The following PIP5K1C variants were observed in gnomAD, a reference collection of about 807,000 sequenced individuals.
The protein encoded by PIP5K1C is phosphatidylinositol 4-phosphate 5-kinase type-1 gamma.
Under a neutral mutation model 80.1 loss-of-function variants are expected in PIP5K1C, and 45 were observed. The ratio of observed to expected loss-of-function variants is 0.56; its 90% CI spans 0.44 to 0.72. The LOEUF is 0.72. PIP5K1C is among the 30% of genes least tolerant of loss of function. The pLI is 0.00. For missense variants in PIP5K1C, 753 were observed against 954.6 expected, an observed-to-expected ratio of 0.79 and a Z score of 2.78; for synonymous variants, 498 against 420.1, an observed-to-expected ratio of 1.19 and a Z score of -2.27.
Position 3,661,054 on chromosome 19 carries a change from T to C in PIP5K1C, c.380A>G (p.His127Arg). Reference protein sequence around the residue: ...SEGSNLTPAHHFQDFRFKTYA... With the variant: ...SEGSNLTPAHRFQDFRFKTYA... ...GGTCTTGAAGCGGAAGTCCTGGAAG[T>C]GGTGGGCGGGGGTGAGGTTGCTGCC... Residue 127 changes from histidine to arginine, a missense_variant, in exon 5 of 18, where the codon CAC becomes CGC. His to Arg is a conservative substitution (Grantham distance 29). This residue lies in a region of PIP5K1C where 139 missense variants were observed against 289.7 expected (regional missense o/e 0.48). Transcript: ENST00000335312. 6.2e-7 allele frequency: 1 copy of C among 1,613,810 alleles called. No homozygotes were observed. The highest frequency in any genetic ancestry group is 8.5e-7 in the Non-Finnish European group (1 of 1,179,888).
intron 16 of PIP5K1C, among the ~76,000 whole-genome samples, chr19:3,638,230 C>G (rs1250677724): frequency 6.6e-6 from 1 of 152,158 alleles, no homozygotes. Flanking sequence ...CATTCCAGGC[C>G]TCGCTGGCCG....
chr19:3,661,058 G>A lies in PIP5K1C; in HGVS notation c.376C>T (p.His126Tyr). Residue 126 changes from histidine (H) to tyrosine (Y), a missense_variant, in exon 5 of 18, where the codon CAC becomes TAC. His to Tyr is a moderately conservative substitution (Grantham distance 83, BLOSUM62 2). Transcript: ENST00000335312. ...PSEGSNLTPAHHFQDFRFKTY... is the reference protein window; with the variant it reads ...PSEGSNLTPAYHFQDFRFKTY... ...TTGAAGCGGAAGTCCTGGAAGTGGT[G>A]GGCGGGGGTGAGGTTGCTGCCTTCG... The A allele has an allele frequency of 6.2e-7, 1 of 1,613,996 alleles. No individual in the cohort carries two copies. The highest frequency in any genetic ancestry group is 8.5e-7 in the Non-Finnish European group (1 of 1,179,906).
rs1419722379 is a variant in PIP5K1C at position 3,648,767 on chromosome 19, C to G, written c.1128-59G>C. 1.3e-6 allele frequency: 2 copies of G among 1,481,612 alleles called. No homozygotes were observed. The highest frequency in any genetic ancestry group is 1.1e-5 in the South Asian group (1 of 88,074). The allele number at this position is 1,481,612 out of a possible 1,614,324, so 91.8% of individuals were successfully genotyped here. A position where few individuals can be genotyped will look rare whatever the true frequency, so the allele number is the denominator to read the frequency against. On this transcript the variant is annotated intron_variant, in intron 8 of 17. Coordinates refer to ENST00000335312, the MANE Select transcript of PIP5K1C (RefSeq NM_012398.3). The surrounding 1 kb of genome is among the most constrained non-coding windows in gnomAD (Gnocchi z 4.3). ...CCGCAGAGCTGGGACTCGGGGCAGG[C>G]GGGGCTGGGGACTCCAGGGCTAGGG...
At position 3,637,396 on chromosome 19, in the gene PIP5K1C, A is replaced by C. The variant is rs928167753; in HGVS notation, c.1920+1488T>G. Reference sequence around the variant, plus strand: ...TCCGGGGCCAGCGTGGCTGACCTCAATTGCAGCCGTGATTTACCCAAAGCC... The same window carrying C: ...TCCGGGGCCAGCGTGGCTGACCTCACTTGCAGCCGTGATTTACCCAAAGCC... On this transcript the variant is annotated intron_variant, in intron 16 of 17. Coordinates refer to ENST00000335312, the MANE Select transcript of PIP5K1C (RefSeq NM_012398.3). The surrounding 1 kb of genome is among the most constrained non-coding windows in gnomAD (Gnocchi z 7.0). The C allele has an allele frequency of 2.9e-5, 44 of 1,535,462 alleles. No individual in the cohort carries two copies. Among genetic ancestry groups the C allele is most frequent in the Non-Finnish European group, 3.7e-5 (43 of 1,146,748 alleles).
intron 1 of PIP5K1C, among the ~76,000 whole-genome samples, chr19:3,698,226 G>C (rs1243394287): frequency 6.6e-6 from 1 of 152,234 alleles, no homozygotes; most frequent in South Asian, 2.1e-4. Flanking sequence ...GTGGCCAACC[G>C]GCACGACAAT....
intron 1 of PIP5K1C, chr19:3,674,103 A>C (rs1568346218): frequency 6.6e-6 from 1 of 152,180 alleles, no homozygotes; most frequent in Admixed American, 6.5e-5. Context: ...GCTCCCTGCA[A>C]AAAGACCGGG....
At chr19:3,657,963 C>A (rs763358695) in intron 5 of PIP5K1C, among the ~76,000 whole-genome samples, 1 of 152,112 alleles carries the variant, frequency 6.6e-6, no homozygotes, top group African/African-American at 2.4e-5. Context: ...AGGGGAACCA[C>A]CTTTGGAAAA....
chr19:3,632,546 T>C lies in PIP5K1C; in HGVS notation c.*621A>G, dbSNP rs988910855. 2.0e-5 allele frequency: 3 copies of C among 152,314 alleles called. No individual in the cohort carries two copies. The highest frequency in any genetic ancestry group is 7.2e-5 in the African/African-American group (3 of 41,416). The allele number at this position is 152,314 out of a possible 1,614,324, so 9.4% of individuals were successfully genotyped here. A position where few individuals can be genotyped will look rare whatever the true frequency, so the allele number is the denominator to read the frequency against. ...TCAGGGCCCCACTGCGGCGGGAACA[T>C]AGCTGCTGAGTGGCCGCAGTGCTTG... On this transcript the variant is annotated 3_prime_UTR_variant, in exon 18 of 18. Coordinates refer to ENST00000335312, the MANE Select transcript of PIP5K1C (RefSeq NM_012398.3).
chr19:3,637,006 G>T lies in PIP5K1C; in HGVS notation c.1920+1878C>A, dbSNP rs2033714610. On this transcript the variant is annotated intron_variant, in intron 16 of 17. Coordinates refer to ENST00000335312, the MANE Select transcript of PIP5K1C (RefSeq NM_012398.3). The surrounding 1 kb of genome is among the most constrained non-coding windows in gnomAD (Gnocchi z 7.0). ...CGTGTGGTCTCCCAGGCTCCCAGGG[G>T]AGCCGAGGCCTCAGCGCCTCCATCT... is the stretch of plus-strand genomic sequence containing the variant. The T allele has an allele frequency of 9.6e-7, 1 of 1,038,408 alleles. No individual in the cohort carries two copies. The highest frequency in any genetic ancestry group is 3.5e-5 in the South Asian group (1 of 28,388). The allele number at this position is 1,038,408 out of a possible 1,614,324, so 64.3% of individuals were successfully genotyped here.
intron 16 of PIP5K1C, among the ~76,000 whole-genome samples, chr19:3,634,234 T>TGGGG (rs1397662013): frequency 2.1e-5 from 3 of 145,540 alleles, no homozygotes; most frequent in African/African-American, 7.4e-5. Flanking sequence ...GGGTGGGATC[T>TGGGG]GGGGAGGGAG....
Position 3,638,901 on chromosome 19 carries a change from C to T in PIP5K1C, c.1903G>A (p.Ala635Thr), listed in dbSNP as rs751838662. Residue 635 changes from alanine to threonine, a missense_variant, in exon 16 of 18, where the codon GCC becomes ACC. By Grantham distance (58) the Ala-to-Thr change is moderately conservative. Around this residue, in one of 6 missense-constraint regions of PIP5K1C, gnomAD observed 315 missense variants for 294.5 expected, o/e 1.07. Coordinates refer to ENST00000335312, the MANE Select transcript of PIP5K1C (RefSeq NM_012398.3). The stretch of plus-strand genomic sequence containing the variant: ...GCACTTACAAAGTAGATGTCGGTGG[C>T]GGGCGCGTCCTCCTCGTCCGAGGCC... ...SQASDEEDAP[A>T]TDIYFPTDER... 1.1e-5 allele frequency: 18 copies of T among 1,612,704 alleles called. No individual in the cohort carries two copies. Among genetic ancestry groups the T allele is most frequent in the African/African-American group, 2.7e-5 (2 of 74,850 alleles).
In PIP5K1C at chr19:3,699,957, C is replaced by A. The variant is rs1010252823; in HGVS notation, c.94+340G>T. Reference sequence around the variant, plus strand: ...GGTGACATCAGGAGGTGGGCACGCACGGCCTCAGAGACCCCCGCCTCCACC... The same window carrying A: ...GGTGACATCAGGAGGTGGGCACGCAAGGCCTCAGAGACCCCCGCCTCCACC... On this transcript the variant is annotated intron_variant, in intron 1 of 17. Transcript: ENST00000335312. 2.4e-4 allele frequency among the ~76,000 whole-genome samples: 36 copies of A among 152,204 alleles called. 1 individual carries two copies. The highest frequency in any genetic ancestry group is 2.4e-4 in the Non-Finnish European group (16 of 68,012).
rs191475142 is a variant in PIP5K1C, at chr19:3,645,813, A to C, written c.1345+161T>G. 2.5e-3 allele frequency among the ~76,000 whole-genome samples: 376 copies of C among 151,900 alleles called. 4 individuals are homozygous for C. The highest frequency in any genetic ancestry group is 8.8e-3 in the African/African-American group (366 of 41,430). On this transcript the variant is annotated intron_variant, in intron 11 of 17. Transcript: ENST00000335312. ...GCTGTGCAGAGCAAATATCCCGACTACCCTACCTCCGGATGAGGCCCGGTC... is the reference window on the plus strand; with the variant it reads ...GCTGTGCAGAGCAAATATCCCGACTCCCCTACCTCCGGATGAGGCCCGGTC...
At position 3,696,882 on chromosome 19, in the gene PIP5K1C, T is replaced by C. The variant is rs1244247789; in HGVS notation, c.94+3415A>G. ...GGGTCGGGACTCGGGCCGCTGGTTT[T>C]TAATGGGGTCCTCCTGGAATGTGGG... On this transcript the variant is annotated intron_variant, in intron 1 of 17. Transcript: ENST00000335312. The surrounding 1 kb of genome is among the most constrained non-coding windows in gnomAD (Gnocchi z 4.1). Among the ~76,000 whole-genome samples, 1 of 152,116 alleles carries C rather than the reference T, an allele frequency of 6.6e-6. No homozygotes were observed. The highest frequency in any genetic ancestry group is 1.5e-5 in the Non-Finnish European group (1 of 68,010).
At position 3,655,413 on chromosome 19, in the gene PIP5K1C, G is replaced by A. The variant is rs552289401; in HGVS notation, c.621+992C>T. On this transcript the variant is annotated intron_variant, in intron 6 of 17. Transcript: ENST00000335312. ...AGCCTGGGTGACAGAGCGAGACTCC[G>A]TCTCAAAACATAAATAAATAAATAA... Among the ~76,000 whole-genome samples, 12 of 152,250 alleles carry A rather than the reference G, an allele frequency of 7.9e-5. No individual in the cohort carries two copies. In the South Asian group the frequency reaches 2.1e-3, roughly 26 times the overall value.
intron 16 of PIP5K1C, among the ~76,000 whole-genome samples, chr19:3,636,095 T>C (rs1444148977): frequency 1.3e-5 from 2 of 151,996 alleles, no homozygotes; most frequent in Admixed American, 6.6e-5. Flanking sequence ...GGGTGGAGGT[T>C]GCAGTGAGCT....
chr19:3,696,899 G>A lies in PIP5K1C; in HGVS notation c.94+3398C>T, dbSNP rs2145629576. On this transcript the variant is annotated intron_variant, in intron 1 of 17. Coordinates refer to ENST00000335312, the MANE Select transcript of PIP5K1C (RefSeq NM_012398.3). This position sits in a 1 kb window ranked among gnomAD's most constrained non-coding sequence, Gnocchi z 4.1. Reference sequence around the variant, plus strand: ...GCTGGTTTTTAATGGGGTCCTCCTGGAATGTGGGACAGGGAGCAGAGGAAG... The same window carrying A: ...GCTGGTTTTTAATGGGGTCCTCCTGAAATGTGGGACAGGGAGCAGAGGAAG... Among the ~76,000 whole-genome samples, 1 of 152,348 alleles carries A rather than the reference G, an allele frequency of 6.6e-6. No homozygotes were observed. Among genetic ancestry groups the A allele is most frequent in the East Asian group, 1.9e-4 (1 of 5,188 alleles).
At chr19:3,680,255 G>A (rs1328099587) in intron 1 of PIP5K1C, among the ~76,000 whole-genome samples, 3 of 152,192 alleles carry the variant, frequency 2.0e-5, no homozygotes, top group African/African-American at 7.2e-5. Flanking sequence ...TCTTGGGTTT[G>A]GGGGATGACA....
At chr19:3,674,395 AG>A (rs1424346745) in intron 1 of PIP5K1C, 1 of 152,308 alleles carries the variant, frequency 6.6e-6, no homozygotes, top group Non-Finnish European at 1.5e-5. Flanking sequence ...CTCCTGTCTC[AG>A]CCTCCCCCGA....
Sources: gnomAD v4.1 joint callset for allele counts (sites outside exome capture counted in the v4.1 genomes callset) on GRCh38, gnomAD v4.1.1 for gene constraint, gnomAD v4.1.1 regional missense constraint, Gnocchi (gnomAD v3.1) non-coding constraint, MANE v1.5 for transcripts, NCBI Gene and HGNC (gene_info 2026-07-23, HGNC 2026-07-21) for gene names.